The following SEC22A variants were observed in gnomAD, a reference collection of about 807,000 sequenced individuals.
The protein encoded by SEC22A is SEC22 homolog A, vesicle trafficking protein.
In SEC22A, 22 loss-of-function variants were observed where a neutral mutation model predicts 35.3. The ratio of observed to expected loss-of-function variants is 0.62; its 90% CI spans 0.45 to 0.89. The LOEUF is 0.89. Ranked by LOEUF, SEC22A falls within the 40% of genes least tolerant of loss-of-function variation. The pLI is 0.00. For missense variants in SEC22A, 354 were observed against 362.5 expected, an observed-to-expected ratio of 0.98 and a Z score of 0.19; for synonymous variants, 119 against 129.5, an observed-to-expected ratio of 0.92 and a Z score of 0.55.
chr3:123,211,006 T>C (rs1020986703), intron 2 of SEC22A, among the ~76,000 whole-genome samples: 1 of 152,126 alleles, frequency 6.6e-6, no homozygotes, highest in African/African-American at 2.4e-5. Flanking sequence ...AGATCCTGGA[T>C]CGCCCTGAAA....
chr3:123,224,431 G>A (rs1420069476), intron 3 of SEC22A, among the ~76,000 whole-genome samples: 1 of 152,168 alleles, frequency 6.6e-6, no homozygotes, highest in Non-Finnish European at 1.5e-5. Flanking sequence ...TCTAGTGTGT[G>A]TTCTTATGTA....
At chr3:123,254,877 TC>T (rs1486970732) in intron 5 of SEC22A, among the ~76,000 whole-genome samples, 1 of 148,010 alleles carries the variant, frequency 6.8e-6, no homozygotes, top group Non-Finnish European at 1.5e-5. Flanking sequence ...ATGCTATCCC[TC>T]CCCCCTCACC....
chr3:123,227,630 C>T lies in SEC22A; in HGVS notation c.541+2333C>T, dbSNP rs542452612. 2.0e-5 allele frequency among the ~76,000 whole-genome samples: 3 copies of T among 152,220 alleles called. No individual in the cohort carries two copies. In the South Asian group the frequency reaches 6.2e-4, roughly 32 times the overall value. On this transcript the variant is annotated intron_variant, in intron 4 of 6. Coordinates refer to ENST00000492595, the MANE Select transcript of SEC22A (RefSeq NM_012430.5). Reference sequence around the variant, plus strand: ...TAAAAAAAGAAATAAAAATGTAAGACAATATCAACTATAGAATACAAAGCA... The same window carrying T: ...TAAAAAAAGAAATAAAAATGTAAGATAATATCAACTATAGAATACAAAGCA...
chr3:123,266,656 T>C (rs549637123), intron 6 of SEC22A, among the ~76,000 whole-genome samples: 3 of 152,272 alleles, frequency 2.0e-5, no homozygotes, highest in African/African-American at 7.2e-5. Context: ...CATTGTGTGA[T>C]TACACTTCTT....
chr3:123,204,045 C>T (rs1217264937), intron 1 of SEC22A, among the ~76,000 whole-genome samples: 3 of 152,144 alleles, frequency 2.0e-5, no homozygotes, highest in African/African-American at 4.8e-5. Flanking sequence ...CCACCCTCAG[C>T]GAGCACTTTT....
At chr3:123,237,345 G>T (rs1270817529) in intron 4 of SEC22A, among the ~76,000 whole-genome samples, 1 of 151,276 alleles carries the variant, frequency 6.6e-6, no homozygotes, top group Non-Finnish European at 1.5e-5. Flanking sequence ...ACCTACAACA[G>T]GTCAGAGAAT....
At chr3:123,230,699 C>CA (rs376679473) in intron 4 of SEC22A, among the ~76,000 whole-genome samples, 6,598 of 47,068 alleles carry the variant, frequency 0.14, 760 homozygotes, top group East Asian at 0.35. Flanking sequence ...TCACTTCATG[C>CA]AAAAAAAAAA....
At chr3:123,238,259 C>A (rs939352062) in intron 4 of SEC22A, among the ~76,000 whole-genome samples, 1 of 152,110 alleles carries the variant, frequency 6.6e-6, no homozygotes. Context: ...AGTGCAGTGG[C>A]GCAATCTCAG....
At chr3:123,214,527 TTC>T (rs1936989883) in intron 2 of SEC22A, among the ~76,000 whole-genome samples, 1 of 152,256 alleles carries the variant, frequency 6.6e-6, no homozygotes, top group Admixed American at 6.5e-5. Context: ...GATATTCCAA[TTC>T]TCTCTATATA....
chr3:123,261,101 C>A (rs1399005525), intron 6 of SEC22A, among the ~76,000 whole-genome samples: 1 of 151,996 alleles, frequency 6.6e-6, no homozygotes, highest in African/African-American at 2.4e-5. Context: ...TCCCAAAGTG[C>A]TGGGATTACA....
chr3:123,239,068 G>T (rs1937479179), intron 4 of SEC22A, among the ~76,000 whole-genome samples: 1 of 151,976 alleles, frequency 6.6e-6, no homozygotes, highest in South Asian at 2.1e-4. Context: ...TTGTTTAAGG[G>T]AGATTTACGT....
chr3:123,223,433 T>C, intron 2 of SEC22A, 126 bp from the exon 3 acceptor site: 1 of 689,260 alleles, frequency 1.5e-6, no homozygotes. Context: ...CTAGAATATA[T>C]AATAAATGTT....
chr3:123,237,199 T>G (rs1486221145), intron 4 of SEC22A, among the ~76,000 whole-genome samples: 1 of 152,248 alleles, frequency 6.6e-6, no homozygotes, highest in Non-Finnish European at 1.5e-5. Context: ...CTTTGCTGTC[T>G]GCTAATCTTT....
At chr3:123,253,418 A>G (rs1376292614) in intron 5 of SEC22A, among the ~76,000 whole-genome samples, 1 of 152,154 alleles carries the variant, frequency 6.6e-6, no homozygotes, top group Non-Finnish European at 1.5e-5. Context: ...TTTTAAAGAA[A>G]TTATGTCCCT....
At chr3:123,214,029 A>AAAAAAAT (rs375804372) in intron 2 of SEC22A, among the ~76,000 whole-genome samples, 29,043 of 150,608 alleles carry the variant, frequency 0.19, 2,938 homozygotes, top group Middle Eastern at 0.28. Context: ...ACTAAAAATA[A>AAAAAAAT]AAAAAATAAA....
intron 1 of SEC22A, among the ~76,000 whole-genome samples, chr3:123,203,230 C>T (rs1233193646): frequency 2.6e-5 from 4 of 151,750 alleles, no homozygotes; most frequent in East Asian, 1.9e-4. Context: ...CCTACTTTGT[C>T]ACCTACTCGT....
Position 123,259,549 on chromosome 3 carries a change from T to G in SEC22A, c.683T>G (p.Ile228Ser). The change falls in exon 6 of 7, where the codon ATC becomes AGC. Residue 228 changes from isoleucine to serine, a missense_variant. Physicochemically the swap from Ile to Ser is moderately radical, Grantham distance 142. Transcript: ENST00000492595. ...AGTGATGGTGATGATTTTAATTACA[T>G]CATTGCATTTTTCCTTGGAACAGCA... ...LQSDGDDFNY[I>S]IAFFLGTAAC... The G allele has an allele frequency of 2.5e-6, 4 of 1,613,510 alleles. No individual in the cohort carries two copies. The highest frequency in any genetic ancestry group is 3.4e-6 in the Non-Finnish European group (4 of 1,179,624).
rs560789766 is a variant in SEC22A, at chr3:123,234,021, T to C, written c.541+8724T>C. On this transcript the variant is annotated intron_variant, in intron 4 of 6. Transcript: ENST00000492595. ...TTCAGTGAGGTTGCAGGATACAAGA[T>C]TAATATAAAAAACAATTGTATTCTA... Among the ~76,000 whole-genome samples the C allele has an allele frequency of 1.5e-4, 23 of 152,286 alleles. No individual in the cohort carries two copies. The South Asian group carries it at 4.8e-3, about 32-fold the overall frequency.
intron 4 of SEC22A, 88 bp downstream of exon 4, chr3:123,225,385 AT>A: frequency 1.3e-6 from 1 of 766,378 alleles, no homozygotes; most frequent in Non-Finnish European, 2.0e-6. Context: ...TTATTCTAAT[AT>A]TTTAAATCAA....
Sources: gnomAD v4.1 joint callset for allele counts (sites outside exome capture counted in the v4.1 genomes callset) on GRCh38, gnomAD v4.1.1 for gene constraint, MANE v1.5 for transcripts, NCBI Gene and HGNC (gene_info 2026-07-23, HGNC 2026-07-21) for gene names.